Variants in CABIN1 observed in about 807,000 individuals in gnomAD.
The protein encoded by CABIN1 is calcineurin binding protein 1.
Under a neutral mutation model 227.7 loss-of-function variants are expected in CABIN1, and 133 were observed. The observed-to-expected ratio is 0.58, with a 90% CI of 0.51 to 0.67. The LOEUF is 0.67. Among genes scored for constraint, CABIN1 ranks in the 30% least tolerant of loss-of-function variants. The pLI is 0.00. For missense variants in CABIN1, 2,408 were observed against 2,852.5 expected, an observed-to-expected ratio of 0.84 and a Z score of 3.55; for synonymous variants, 1,086 against 1,155.1, an observed-to-expected ratio of 0.94 and a Z score of 1.21.
intron 28 of CABIN1, among the ~76,000 whole-genome samples, chr22:24,120,970 G>A (rs1269607577): frequency 6.6e-6 from 1 of 152,210 alleles, no homozygotes; most frequent in Non-Finnish European, 1.5e-5. Flanking sequence ...GTATTGTAGG[G>A]GACAGCATTG....
chr22:24,055,261 A>C (rs2038697889), intron 9 of CABIN1, 102 bp downstream of exon 9: 15 of 1,330,662 alleles, frequency 1.1e-5, no homozygotes, highest in African/African-American at 2.9e-5. Flanking sequence ...CAGAAGGGTC[A>C]TGCTGATGCT....
rs1359308061 is a variant in CABIN1 at position 24,166,928 on chromosome 22, C to T, written c.5297C>T (p.Ala1766Val). ...ACTGAGCCCATGGACACGAGTGAGG[C>T]CACTGTTTGCCACTCAGACTTGGAG... ...GPTEPMDTSE[A>V]TVCHSDLERT... The change falls in exon 32 of 37, where the codon GCC becomes GTC. Residue 1766 changes from alanine (A) to valine (V), a missense_variant. By Grantham distance (64) the Ala-to-Val change is moderately conservative. This residue lies in a region of CABIN1 where 714 missense variants were observed against 773.8 expected (regional missense o/e 0.92). Transcript: ENST00000263119. 3.7e-6 allele frequency: 6 copies of T among 1,602,980 alleles called. No individual in the cohort carries two copies. In the African/African-American group the frequency reaches 6.7e-5, roughly 18 times the overall value.
chr22:24,078,029 A>G (rs2040555605), intron 19 of CABIN1, among the ~76,000 whole-genome samples: 1 of 152,152 alleles, frequency 6.6e-6, no homozygotes, highest in South Asian at 2.1e-4. Flanking sequence ...CAACCTTTGC[A>G]GCAGCTCTCC....
chr22:24,097,363 G>C (rs1214760142), intron 25 of CABIN1, among the ~76,000 whole-genome samples: 2 of 152,062 alleles, frequency 1.3e-5, no homozygotes, highest in East Asian at 1.9e-4. Context: ...ACATACAATT[G>C]TAAGGTTTCA....
At chr22:24,035,978 A>G in intron 2 of CABIN1, 111 bp from the exon 3 acceptor site, 2 of 781,654 alleles carry the variant, frequency 2.6e-6, no homozygotes, top group Admixed American at 3.6e-5. Flanking sequence ...ATAGCTTTTC[A>G]AGGTAGAATA....
Position 24,178,513 on chromosome 22 carries a change from A to C in CABIN1, c.*317A>C. ...TGCCCACACCCAGCTGGCCATATCCACCCCTCGACGCCGGGATGAGCCGGC... is the reference window on the plus strand; with the variant it reads ...TGCCCACACCCAGCTGGCCATATCCCCCCCTCGACGCCGGGATGAGCCGGC... On this transcript the variant is annotated 3_prime_UTR_variant, in exon 37 of 37. Transcript: ENST00000263119. 6 of 383,624 alleles carry C rather than the reference A, an allele frequency of 1.6e-5. No individual in the cohort carries two copies. The highest frequency in any genetic ancestry group is 2.5e-5 in the South Asian group (1 of 39,262). The allele number at this position is 383,624 out of a possible 1,614,324, so 23.8% of individuals were successfully genotyped here.
At chr22:24,038,498 GT>G in intron 4 of CABIN1, 37 bp downstream of exon 4, 1 of 1,435,578 alleles carries the variant, frequency 7.0e-7, no homozygotes, top group Non-Finnish European at 9.8e-7. Context: ...TGCCGTGGTG[GT>G]TAGTGCATGG....
At chr22:24,012,950 G>A (rs1601605635) in intron 1 of CABIN1, among the ~76,000 whole-genome samples, 4 of 151,816 alleles carry the variant, frequency 2.6e-5, no homozygotes, top group Admixed American at 2.6e-4. Context: ...TAGTAGAGAC[G>A]GGGTTTCACC....
At position 24,084,751 on chromosome 22, in the gene CABIN1, A is replaced by T; in HGVS notation, c.3083A>T (p.Lys1028Ile). 1 of 1,614,238 alleles carries T rather than the reference A, an allele frequency of 6.2e-7. No individual in the cohort carries two copies. The highest frequency in any genetic ancestry group is 8.5e-7 in the Non-Finnish European group (1 of 1,180,036). Residue 1028 changes from lysine (K) to isoleucine (I), a missense_variant, in exon 21 of 37, where the codon AAA becomes ATA. Around this residue, in one of 3 missense-constraint regions of CABIN1, gnomAD observed 649 missense variants for 910.3 expected, o/e 0.71. Coordinates refer to ENST00000263119, the MANE Select transcript of CABIN1 (RefSeq NM_012295.4). Reference sequence around the variant, plus strand: ...GAGAGGCCAGCCCTTAGCCTGGACAAAGTCTCTGCCTACATTGAGGGAACT... The same window carrying T: ...GAGAGGCCAGCCCTTAGCCTGGACATAGTCTCTGCCTACATTGAGGGAACT... ...RTERPALSLD[K>I]VSAYIEGTST...
At chr22:24,176,299 A>G in intron 35 of CABIN1, 24 bp downstream of exon 35, 2 of 1,582,892 alleles carry the variant, frequency 1.3e-6, no homozygotes, top group Non-Finnish European at 1.7e-6. Context: ...GGAGCAGCCC[A>G]GCACCAGCCC....
At chr22:24,093,351 G>C (rs1041493347) in intron 24 of CABIN1, among the ~76,000 whole-genome samples, 2 of 152,076 alleles carry the variant, frequency 1.3e-5, no homozygotes, top group Admixed American at 6.5e-5. Context: ...AGGAGTTCGA[G>C]ATCAGCCTGA....
intron 28 of CABIN1, among the ~76,000 whole-genome samples, chr22:24,129,020 G>A (rs1009740658): frequency 6.6e-6 from 1 of 152,234 alleles, no homozygotes; most frequent in Non-Finnish European, 1.5e-5. Context: ...GAGACCCTGG[G>A]TGACACAGGC....
intron 1 of CABIN1, among the ~76,000 whole-genome samples, chr22:24,031,886 T>C (rs909551554): frequency 1.3e-5 from 2 of 152,246 alleles, no homozygotes; most frequent in Admixed American, 6.5e-5. Flanking sequence ...GAGACTTTAT[T>C]TGGAGTAATG....
At chr22:24,028,137 G>T (rs1187710816) in intron 1 of CABIN1, among the ~76,000 whole-genome samples, 3 of 152,138 alleles carry the variant, frequency 2.0e-5, no homozygotes, top group Non-Finnish European at 4.4e-5. Context: ...CTAAAAAAAT[G>T]TACATACCTT....
chr22:24,162,865 C>T (rs1189225261), intron 29 of CABIN1, among the ~76,000 whole-genome samples: 1 of 152,192 alleles, frequency 6.6e-6, no homozygotes, highest in African/African-American at 2.4e-5. Context: ...CCCGTCCTCA[C>T]GGGTGTGTCT....
chr22:24,071,253 T>G (rs571882884), intron 17 of CABIN1: 1 of 634,324 alleles, frequency 1.6e-6, no homozygotes, highest in South Asian at 1.8e-5. Flanking sequence ...GATTAGAGAC[T>G]GTGTAGCACT....
intron 18 of CABIN1, among the ~76,000 whole-genome samples, chr22:24,075,277 T>C (rs1002464948): frequency 1.3e-5 from 2 of 152,234 alleles, no homozygotes; most frequent in Non-Finnish European, 2.9e-5. Flanking sequence ...TGTTCTGTCC[T>C]GATCCACTCT....
intron 29 of CABIN1, among the ~76,000 whole-genome samples, chr22:24,151,914 T>C (rs1379190720): frequency 6.6e-6 from 1 of 152,170 alleles, no homozygotes; most frequent in Admixed American, 6.5e-5. Context: ...CACTCAGTCC[T>C]CCAGGCTGTG....
intron 33 of CABIN1, among the ~76,000 whole-genome samples, chr22:24,169,453 G>C (rs767862300): frequency 1.3e-5 from 2 of 152,150 alleles, no homozygotes; most frequent in South Asian, 4.1e-4. Context: ...GGGCTATTAC[G>C]TCTGCGGAAG....
Sources: allele counts gnomAD v4.1 joint callset (sites outside exome capture counted in the v4.1 genomes callset), GRCh38; gene constraint gnomAD v4.1.1; regional missense constraint gnomAD v4.1.1; transcripts MANE v1.5; gene names NCBI Gene and HGNC (gene_info 2026-07-23, HGNC 2026-07-21).